Variants in CCL24 observed in about 807,000 individuals in gnomAD.
CCL24 encodes the protein C-C motif chemokine 24.
In CCL24, 6 loss-of-function variants were observed where a neutral mutation model predicts 8.6. The observed-to-expected ratio is 0.70, with a 90% CI of 0.38 to 1.38. The LOEUF (loss-of-function observed/expected upper bound fraction) is 1.38, where lower values mean the gene tolerates loss of function less well. Among genes scored for constraint, CCL24 ranks in the 40% most tolerant of loss-of-function variants. CCL24 has a pLI of 0.02. For synonymous variants in CCL24, 59 were observed against 52.7 expected, an observed-to-expected ratio of 1.12 and a Z score of -0.52; for missense variants, 126 against 147.1, an observed-to-expected ratio of 0.86 and a Z score of 0.74.
At chr7:75,820,058 CTTCTTCT>C (rs1554534807) in intron 1 of CCL24, among the ~76,000 whole-genome samples, 15 of 133,204 alleles carry the variant, frequency 1.1e-4, no homozygotes, top group Non-Finnish European at 2.1e-4. Context: ...TCTTCTTCTT[CTTCTTCT>C]TCTTCTTCTT....
At chr7:75,819,286 AAAAAAAAAAAAAAAAAAATATATAT>A (rs1215777059) in intron 1 of CCL24, among the ~76,000 whole-genome samples, 8 of 27,702 alleles carry the variant, frequency 2.9e-4, no homozygotes, top group South Asian at 2.5e-3. Flanking sequence ...AAAAAAAAAA[AAAAAAAAAAAAAAAAAAATATATAT>A]ATATATATAT....
upstream of CCL24, among the ~76,000 whole-genome samples, chr7:75,817,469 G>A (rs1335453558): frequency 6.6e-6 from 1 of 151,690 alleles, no homozygotes; most frequent in African/African-American, 2.4e-5. Flanking sequence ...TACCCATTAA[G>A]GGCTTTTCCA....
intron 2 of CCL24, among the ~76,000 whole-genome samples, chr7:75,813,043 C>A (rs761364436): frequency 4.6e-4 from 70 of 151,496 alleles, no homozygotes; most frequent in Non-Finnish European, 2.2e-4. Flanking sequence ...GTTGAGGCTG[C>A]AATGCAATGA....
At chr7:75,813,133 A>C (rs1803810537) in intron 2 of CCL24, among the ~76,000 whole-genome samples, 173 bp downstream of exon 2, 1 of 152,180 alleles carries the variant, frequency 6.6e-6, no homozygotes, top group Non-Finnish European at 1.5e-5. Context: ...AAATTAAAAA[A>C]ATAAATATAT....
At chr7:75,818,115 G>T (rs187723585), upstream of CCL24, among the ~76,000 whole-genome samples, 3 of 152,240 alleles carry the variant, frequency 2.0e-5, no homozygotes, top group African/African-American at 7.2e-5. Context: ...ACCAGCATGA[G>T]CCACCTCACC....
intron 1 of CCL24, among the ~76,000 whole-genome samples, chr7:75,820,020 T>G (rs10272110): frequency 0.14 from 5,714 of 41,698 alleles, 286 homozygotes; most frequent in African/African-American, 0.21. Context: ...AGTAAACTAC[T>G]TCTTCTTCTT....
upstream of CCL24, among the ~76,000 whole-genome samples, chr7:75,817,693 G>C (rs1488731913): frequency 6.6e-6 from 1 of 151,276 alleles, no homozygotes; most frequent in Non-Finnish European, 1.5e-5. Context: ...AGTAAAGATG[G>C]GATTTCACCA....
chr7:75,813,879 T>G, upstream of CCL24: 1 of 544,796 alleles, frequency 1.8e-6, no homozygotes, highest in South Asian at 1.9e-5. Context: ...CCTCCACGCT[T>G]CCTTGAAAAT....
chr7:75,813,285 G>T (rs368941088), intron 2 of CCL24, 21 bp downstream of exon 2: 3 of 1,450,898 alleles, frequency 2.1e-6, no homozygotes, highest in East Asian at 2.3e-5. Context: ...CTCCTGCCAC[G>T]TGCCCATGAA....
In CCL24 at chr7:75,813,791, C is replaced by T. The variant is rs1039229728; in HGVS notation, c.-76G>A. 29 of 1,216,134 alleles carry T rather than the reference C, an allele frequency of 2.4e-5. No homozygotes were observed. Among genetic ancestry groups the T allele is most frequent in the Admixed American group, 1.2e-4 (7 of 58,562 alleles). The allele number at this position is 1,216,134 out of a possible 1,614,324, so 75.3% of individuals were successfully genotyped here. ...GGAAAGGACCTAGGGATAAATAGCTCGGGTCCTTGCAGAGTACCCCAAACT... is the reference window on the plus strand; with the variant it reads ...GGAAAGGACCTAGGGATAAATAGCTTGGGTCCTTGCAGAGTACCCCAAACT... On this transcript the variant is annotated 5_prime_UTR_variant, in exon 1 of 3. Coordinates refer to ENST00000222902, the MANE Select transcript of CCL24 (RefSeq NM_002991.3).
chr7:75,819,546 T>G (rs1436923053), intron 1 of CCL24, among the ~76,000 whole-genome samples: 1 of 150,764 alleles, frequency 6.6e-6, no homozygotes, highest in African/African-American at 2.4e-5. Context: ...GAGGATCGCT[T>G]GAACCCAGGA....
rs189030365 is a variant in CCL24 at position 75,811,221 on chromosome 7, G to A, written c.*575C>T. Among the ~76,000 whole-genome samples, 188 of 151,468 alleles carry A rather than the reference G, an allele frequency of 1.2e-3. 2 individuals carry two copies. The highest frequency in any genetic ancestry group is 3.4e-3 in the Middle Eastern group (1 of 294). Reference sequence around the variant, plus strand: ...AGGCTGGGTGTGGTGGCTCATGCCTGTAATCCCAGCACTTTGGGAGGCCGA... The same window carrying A: ...AGGCTGGGTGTGGTGGCTCATGCCTATAATCCCAGCACTTTGGGAGGCCGA... On this transcript the variant is annotated 3_prime_UTR_variant, in exon 3 of 3. Coordinates refer to ENST00000222902, the MANE Select transcript of CCL24 (RefSeq NM_002991.3).
chr7:75,816,079 G>T (rs1426813645), upstream of CCL24, among the ~76,000 whole-genome samples: 2 of 152,158 alleles, frequency 1.3e-5, no homozygotes, highest in South Asian at 2.1e-4. Context: ...GGCCAGCTGG[G>T]TGTCTGCGTC....
At chr7:75,812,532 T>C (rs1296937804) in intron 2 of CCL24, among the ~76,000 whole-genome samples, 2 of 152,186 alleles carry the variant, frequency 1.3e-5, no homozygotes, top group African/African-American at 4.8e-5. Flanking sequence ...CTCTGTAAAA[T>C]GGGAACAATC....
At chr7:75,817,835 GTTT>G (rs1554534369), upstream of CCL24, among the ~76,000 whole-genome samples, 1 of 147,520 alleles carries the variant, frequency 6.8e-6, no homozygotes, top group Non-Finnish European at 1.5e-5. Context: ...TGTTGTTGTT[GTTT>G]GTTTTGTTTT....
upstream of CCL24, among the ~76,000 whole-genome samples, chr7:75,815,115 G>T (rs560966316): frequency 6.6e-6 from 1 of 152,038 alleles, no homozygotes; most frequent in Admixed American, 6.6e-5. Flanking sequence ...GAGGCGGGAG[G>T]ATTGACTGAG....
intron 1 of CCL24, among the ~76,000 whole-genome samples, chr7:75,820,026 T>TTCTTCTTCC: frequency 9.1e-6 from 1 of 109,806 alleles, no homozygotes; most frequent in Non-Finnish European, 2.0e-5. Context: ...CTACTTCTTC[T>TTCTTCTTCC]TCTTCTTCTT....
chr7:75,813,103 A>G (rs1803809936), intron 2 of CCL24, among the ~76,000 whole-genome samples: 1 of 152,078 alleles, frequency 6.6e-6, no homozygotes, highest in Admixed American at 6.6e-5. Context: ...GCAAGACCCT[A>G]TCTCCTAAAA....
rs1481239427 is a variant in CCL24 at position 75,819,288 on chromosome 7, AAAAAAAAAAAAAAAAATATATATATAT to A, written c.-60+4007_-60+4033del. ...CGTCTCAAAAAAAAAAAAAAAAAAA[AAAAAAAAAAAAAAAAATATATATATAT>A]ATATATATATATATATATATATTCA... On this transcript the variant is annotated intron_variant, in intron 1 of 3. Transcript: ENST00000416943. Among the ~76,000 whole-genome samples, 76 of 28,236 alleles carry A rather than the reference AAAAAAAAAAAAAAAAATATATATATAT, an allele frequency of 2.7e-3. 3 individuals carry two copies. Among genetic ancestry groups the A allele is most frequent in the Middle Eastern group, 0.011 (1 of 88 alleles). The allele number at this position is 28,236 out of a possible 152,430, so 18.5% of individuals were successfully genotyped here.
Sources: allele counts gnomAD v4.1 joint callset (sites outside exome capture counted in the v4.1 genomes callset), GRCh38; gene constraint gnomAD v4.1.1; transcripts MANE v1.5; gene names NCBI Gene and HGNC (gene_info 2026-07-23, HGNC 2026-07-21).